The following ZNF609 variants were observed in gnomAD, a reference collection of about 807,000 sequenced individuals.
ZNF609 encodes the protein zinc finger protein 609.
Under a neutral mutation model 109.5 loss-of-function variants are expected in ZNF609, and 11 were observed. That is an observed-to-expected ratio of 0.10 (90% CI 0.06 to 0.17). ZNF609 has a LOEUF of 0.17. Among genes scored for constraint, ZNF609 ranks in the 10% least tolerant of loss-of-function variants. The pLI, the probability that ZNF609 is intolerant of heterozygous loss-of-function variation, is 1.00. For synonymous variants in ZNF609, 646 were observed against 662.0 expected (o/e 0.98, Z 0.37); for missense variants, 1,559 against 1,772.4 (o/e 0.88, Z 2.16).
chr15:64,586,501 A>G (rs573315244), intron 2 of ZNF609, among the ~76,000 whole-genome samples: 21 of 152,286 alleles, frequency 1.4e-4, no homozygotes, highest in African/African-American at 5.1e-4. Flanking sequence ...GCCTCCTGTC[A>G]GATCAGCATT....
At chr15:64,603,749 C>T (rs1895545365) in intron 2 of ZNF609, among the ~76,000 whole-genome samples, 1 of 151,776 alleles carries the variant, frequency 6.6e-6, no homozygotes, top group Non-Finnish European at 1.5e-5. Context: ...GCCTGTAATC[C>T]CAGCACTTTG....
intron 2 of ZNF609, among the ~76,000 whole-genome samples, chr15:64,526,936 G>C (rs1893975178): frequency 6.6e-6 from 1 of 152,002 alleles, no homozygotes; most frequent in Non-Finnish European, 1.5e-5. Flanking sequence ...CAGGCATAAA[G>C]CACCGTACCC....
At chr15:64,618,990 C>A (rs985577445) in intron 2 of ZNF609, among the ~76,000 whole-genome samples, 3 of 152,100 alleles carry the variant, frequency 2.0e-5, no homozygotes, top group African/African-American at 7.2e-5. Context: ...TGATGGAGCC[C>A]TAGCCAGGGA....
In ZNF609 at chr15:64,529,564, G is replaced by C. The variant is rs535414768; in HGVS notation, c.747+29398G>C. On this transcript the variant is annotated intron_variant, in intron 2 of 9. Coordinates refer to ENST00000326648, the MANE Select transcript of ZNF609 (RefSeq NM_015042.2). ...GACCATGTAGTTGAGGTCAATGAAGGGGTCATTGATGGCAACAATATCCAC... is the reference window on the plus strand; with the variant it reads ...GACCATGTAGTTGAGGTCAATGAAGCGGTCATTGATGGCAACAATATCCAC... 10 of 1,367,562 alleles carry C rather than the reference G, an allele frequency of 7.3e-6. No individual in the cohort carries two copies. In the African/African-American group the frequency reaches 1.3e-4, roughly 18 times the overall value. 84.7% of individuals were successfully genotyped at this position (1,367,562 alleles called of 1,614,324 possible).
Position 64,674,609 on chromosome 15 carries a change from A to G in ZNF609, c.1755A>G (p.Thr585=), listed in dbSNP as rs766607665. 2 of 1,614,012 alleles carry G rather than the reference A, an allele frequency of 1.2e-6. No individual in the cohort carries two copies. The highest frequency in any genetic ancestry group is 2.7e-5 in the African/African-American group (2 of 74,904). The change falls in exon 5 of 10, where the codon ACA becomes ACG. Residue 585 remains threonine (T), a synonymous_variant. Transcript: ENST00000326648. ...CTTCTCCTTCAAGCAAATTCAGCACAAAAGGCCTCTGTAAGAAAAAGTTGA... is the reference window on the plus strand; with the variant it reads ...CTTCTCCTTCAAGCAAATTCAGCACGAAAGGCCTCTGTAAGAAAAAGTTGA... ...HSPSPSSKFS[T]KGLCKKKLSG... is the part of the protein sequence containing the mutation.
At chr15:64,556,796 GT>G (rs1431624119) in intron 2 of ZNF609, among the ~76,000 whole-genome samples, 3 of 152,024 alleles carry the variant, frequency 2.0e-5, no homozygotes, top group African/African-American at 4.8e-5. Context: ...GGTTTATTGA[GT>G]TTTTTTATAG....
chr15:64,575,469 G>A (rs1894936080), intron 2 of ZNF609, among the ~76,000 whole-genome samples: 1 of 151,964 alleles, frequency 6.6e-6, no homozygotes, highest in Non-Finnish European at 1.5e-5. Flanking sequence ...TCTATAATCA[G>A]TAGGATTTTT....
At chr15:64,511,308 C>A (rs2140357905) in intron 2 of ZNF609, among the ~76,000 whole-genome samples, 1 of 151,892 alleles carries the variant, frequency 6.6e-6, no homozygotes, top group South Asian at 2.1e-4. Context: ...TCTATCACTA[C>A]TAAAAATACA....
chr15:64,670,238 G>A (rs1238449108), intron 3 of ZNF609, 108 bp from the exon 4 acceptor site: 1 of 854,894 alleles, frequency 1.2e-6, no homozygotes. Flanking sequence ...GGTACCCAGA[G>A]TACCTCCTAA....
rs142275840 is a variant in ZNF609 at position 64,493,000 on chromosome 15, A to G, written c.-127-6293A>G. Among the ~76,000 whole-genome samples, 1,310 of 152,340 alleles carry G rather than the reference A, an allele frequency of 8.6e-3. 13 individuals are homozygous for G. The highest frequency in any genetic ancestry group is 0.015 in the Non-Finnish European group (1,011 of 68,028). ...TCAAGCAGATTATAATTCATATATAACTGTCACATGCTCAGGCCAAAGCCT... is the reference window on the plus strand; with the variant it reads ...TCAAGCAGATTATAATTCATATATAGCTGTCACATGCTCAGGCCAAAGCCT... On this transcript the variant is annotated intron_variant, in intron 1 of 9. Transcript: ENST00000326648.
Position 64,675,576 on chromosome 15 carries a change from C to T in ZNF609, c.2722C>T (p.Pro908Ser). 4 of 1,614,178 alleles carry T rather than the reference C, an allele frequency of 2.5e-6. No individual in the cohort carries two copies. The highest frequency in any genetic ancestry group is 3.4e-6 in the Non-Finnish European group (4 of 1,180,040). ...YYSPSYAQSS[P>S]GALNPSSQAG... is the part of the protein sequence containing the mutation. ...TTCTCCAAGTTATGCACAGTCCAGC[C>T]CTGGGGCTCTGAACCCCAGCAGCCA... The change falls in exon 5 of 10, where the codon CCT becomes TCT. Residue 908 changes from proline (P) to serine (S), a missense_variant. Physicochemically the swap from Pro to Ser is moderately conservative, Grantham distance 74. This residue lies in a region of ZNF609 where 1,204 missense variants were observed against 1,314.1 expected (regional missense o/e 0.92). Coordinates refer to ENST00000326648, the MANE Select transcript of ZNF609 (RefSeq NM_015042.2).
chr15:64,565,801 A>C (rs747161838), intron 2 of ZNF609, among the ~76,000 whole-genome samples: 2 of 152,186 alleles, frequency 1.3e-5, no homozygotes, highest in Non-Finnish European at 2.9e-5. Context: ...ACACTGACCT[A>C]TACATTCATT....
chr15:64,514,417 G>A (rs1450244197), intron 2 of ZNF609, among the ~76,000 whole-genome samples: 1 of 152,058 alleles, frequency 6.6e-6, no homozygotes, highest in Non-Finnish European at 1.5e-5. Flanking sequence ...TCTTCACAGT[G>A]TCCACAAATT....
chr15:64,479,781 T>C (rs1024979093), intron 1 of ZNF609, among the ~76,000 whole-genome samples: 2 of 151,556 alleles, frequency 1.3e-5, no homozygotes, highest in African/African-American at 4.8e-5. Context: ...TAGCTGGGCA[T>C]GGTGGTGCAC....
At chr15:64,586,895 CAGAG>C (rs898931024) in intron 2 of ZNF609, among the ~76,000 whole-genome samples, 1 of 152,188 alleles carries the variant, frequency 6.6e-6, no homozygotes, top group Non-Finnish European at 1.5e-5. Context: ...ATGTTTCATA[CAGAG>C]AGACAGCTGT....
intron 2 of ZNF609, among the ~76,000 whole-genome samples, chr15:64,535,538 G>A (rs769636023): frequency 6.6e-6 from 1 of 152,068 alleles, no homozygotes; most frequent in African/African-American, 2.4e-5. Flanking sequence ...AGGTGAGCTG[G>A]GCTGTTTCTA....
intron 2 of ZNF609, among the ~76,000 whole-genome samples, chr15:64,557,348 ACTCCTT>A: frequency 6.6e-6 from 1 of 151,608 alleles, no homozygotes; most frequent in African/African-American, 2.4e-5. Flanking sequence ...TTACTCTTCT[ACTCCTT>A]CTTCTGCACC....
chr15:64,596,996 A>G (rs994877598), intron 2 of ZNF609, among the ~76,000 whole-genome samples: 12 of 152,160 alleles, frequency 7.9e-5, no homozygotes, highest in Non-Finnish European at 5.9e-5. Flanking sequence ...TCTGTTCTTC[A>G]GCTTGTTGTG....
At chr15:64,678,015 A>T in intron 5 of ZNF609, 101 bp from the exon 6 acceptor site, 1 of 1,442,504 alleles carries the variant, frequency 6.9e-7, no homozygotes, top group Non-Finnish European at 9.3e-7. Flanking sequence ...CCAGGTGTCT[A>T]GTACTAATTA....
Sources: allele counts gnomAD v4.1 joint callset (sites outside exome capture counted in the v4.1 genomes callset), GRCh38; gene constraint gnomAD v4.1.1; regional missense constraint gnomAD v4.1.1; transcripts MANE v1.5; gene names NCBI Gene and HGNC (gene_info 2026-07-23, HGNC 2026-07-21).